The following TEAD4 variants were observed in gnomAD, a reference collection of about 807,000 sequenced individuals.
TEAD4 encodes TEA domain transcription factor 4.
A neutral mutation model predicts 52.4 loss-of-function variants in TEAD4; 36 were observed. That is an observed-to-expected ratio of 0.69 (90% CI 0.53 to 0.91). TEAD4 has a LOEUF of 0.91. Ranked by LOEUF, TEAD4 falls within the 40% of genes least tolerant of loss-of-function variation. TEAD4 has a pLI of 0.00. For missense variants in TEAD4, 508 were observed against 583.9 expected, an observed-to-expected ratio of 0.87 and a Z score of 1.34; for synonymous variants, 220 against 231.0, an observed-to-expected ratio of 0.95 and a Z score of 0.43.
intron 6 of TEAD4, 90 bp downstream of exon 6, chr12:3,017,616 A>T: frequency 6.8e-7 from 1 of 1,476,840 alleles, no homozygotes; most frequent in South Asian, 1.4e-5. Context: ...TGGCCAGCCC[A>T]GATTTCTCTC....
chr12:3,028,909 G>A (rs994330077), intron 10 of TEAD4, among the ~76,000 whole-genome samples: 2 of 152,020 alleles, frequency 1.3e-5, no homozygotes, highest in Non-Finnish European at 2.9e-5. Flanking sequence ...GGGATTACAC[G>A]TGTGAGCCGC....
intron 3 of TEAD4, among the ~76,000 whole-genome samples, chr12:3,000,262 C>A (rs552286052): frequency 6.6e-6 from 1 of 152,212 alleles, no homozygotes; most frequent in Non-Finnish European, 1.5e-5. Flanking sequence ...TTGTCTTGGT[C>A]TGTTTTCTGT....
chr12:3,018,515 G>T (rs571915824), intron 6 of TEAD4, 30 bp from the exon 7 acceptor site: 3 of 1,614,012 alleles, frequency 1.9e-6, no homozygotes, highest in African/African-American at 2.7e-5. Flanking sequence ...ACCTGGGGCC[G>T]TGCTGATTCC....
At chr12:2,969,549 G>A (rs564189115) in intron 2 of TEAD4, among the ~76,000 whole-genome samples, 4 of 152,310 alleles carry the variant, frequency 2.6e-5, no homozygotes, top group East Asian at 3.9e-4. Flanking sequence ...CTGCTTCCTC[G>A]AAGATTTTGT....
chr12:2,995,984 G>A (rs2153955488), intron 3 of TEAD4, among the ~76,000 whole-genome samples: 1 of 151,070 alleles, frequency 6.6e-6, no homozygotes, highest in South Asian at 2.1e-4. Context: ...CTCCTGCCTG[G>A]GTGCCAGAGT....
At chr12:3,031,333 G>C (rs1334622467) in intron 10 of TEAD4, among the ~76,000 whole-genome samples, 8 of 152,244 alleles carry the variant, frequency 5.3e-5, no homozygotes, top group Admixed American at 5.2e-4. Flanking sequence ...AGGACCCTGG[G>C]GATACAGTTG....
intron 2 of TEAD4, among the ~76,000 whole-genome samples, chr12:2,964,379 G>A (rs990159616): frequency 1.1e-4 from 16 of 152,136 alleles, no homozygotes; most frequent in South Asian, 2.1e-4. Context: ...CTGGAACGGC[G>A]ATCTTGGGTT....
chr12:3,027,976 C>A (rs1326134900), intron 10 of TEAD4, among the ~76,000 whole-genome samples: 1 of 152,166 alleles, frequency 6.6e-6, no homozygotes, highest in Non-Finnish European at 1.5e-5. Flanking sequence ...AAGCCCTGTT[C>A]CCTTTAGCTG....
In TEAD4 at chr12:2,995,056, T is replaced by C; in HGVS notation, c.226+64T>C. 4 of 1,555,342 alleles carry C rather than the reference T, an allele frequency of 2.6e-6. No individual in the cohort carries two copies. The South Asian group carries it at 4.9e-5, about 19-fold the overall frequency. On this transcript the variant is annotated intron_variant, in intron 3 of 12. Coordinates refer to ENST00000359864, the MANE Select transcript of TEAD4 (RefSeq NM_003213.4). ...GAGGCAAGGGGCCGACACCAGAACC[T>C]TGGGGTTCCTGCCGGGCCACAGAAG...
At chr12:2,970,774 ATCTG>A (rs1409127967) in intron 2 of TEAD4, among the ~76,000 whole-genome samples, 2 of 152,334 alleles carry the variant, frequency 1.3e-5, no homozygotes, top group East Asian at 3.9e-4. Flanking sequence ...CATCCTGAGC[ATCTG>A]TCTGCCTGGG....
At chr12:2,970,155 T>C (rs117920673) in intron 2 of TEAD4, among the ~76,000 whole-genome samples, 102 of 152,332 alleles carry the variant, frequency 6.7e-4, no homozygotes, top group Non-Finnish European at 1.3e-3. Context: ...ACGTAATCAA[T>C]AGTAAAAAGT....
At chr12:3,014,480 G>A (rs1395627834) in intron 5 of TEAD4, among the ~76,000 whole-genome samples, 1 of 152,210 alleles carries the variant, frequency 6.6e-6, no homozygotes, top group Non-Finnish European at 1.5e-5. Flanking sequence ...ATTGCTGTGA[G>A]GATTTTGTCA....
chr12:2,994,301 C>G lies in TEAD4; in HGVS notation c.-29-437C>G, dbSNP rs891055320. On this transcript the variant is annotated intron_variant, in intron 2 of 12. Transcript: ENST00000359864. The surrounding 1 kb of genome is among the most constrained non-coding windows in gnomAD (Gnocchi z 4.7). ...ATGTTGGCCAGGCTGGTCTCGAGTT[C>G]CTGACCTCAAGTGATCTGCCTGCCT... Among the ~76,000 whole-genome samples, 28 of 152,136 alleles carry G rather than the reference C, an allele frequency of 1.8e-4. No individual in the cohort carries two copies. Among genetic ancestry groups the G allele is most frequent in the African/African-American group, 6.5e-4 (27 of 41,426 alleles).
rs555439114 is a variant in TEAD4 at position 3,021,711 on chromosome 12, A to T, written c.724-133A>T. Reference sequence around the variant, plus strand: ...AGTAGACTTTTACCATCTCTATTTTACTCATGGGGAAACTATGGCCCAGAA... The same window carrying T: ...AGTAGACTTTTACCATCTCTATTTTTCTCATGGGGAAACTATGGCCCAGAA... On this transcript the variant is annotated intron_variant, in intron 9 of 12. Coordinates refer to ENST00000359864, the MANE Select transcript of TEAD4 (RefSeq NM_003213.4). The T allele has an allele frequency of 7.3e-6, 6 of 816,460 alleles. No individual in the cohort carries two copies. The East Asian group carries it at 1.3e-4, about 18-fold the overall frequency. The allele number at this position is 816,460 out of a possible 1,614,324, so 50.6% of individuals were successfully genotyped here. A position where few individuals can be genotyped will look rare whatever the true frequency, so the allele number is the denominator to read the frequency against.
intron 3 of TEAD4, 117 bp downstream of exon 3, chr12:2,995,109 T>G: frequency 1.5e-6 from 2 of 1,293,676 alleles, no homozygotes; most frequent in African/African-American, 1.5e-5. Flanking sequence ...CTTTGTCGGG[T>G]GGACACTGCT....
At chr12:3,013,053 A>G (rs1275572248) in intron 5 of TEAD4, among the ~76,000 whole-genome samples, 4 of 152,100 alleles carry the variant, frequency 2.6e-5, no homozygotes, top group African/African-American at 9.7e-5. Context: ...ATAAGCTCCA[A>G]TCACACTCCC....
intron 2 of TEAD4, among the ~76,000 whole-genome samples, chr12:2,993,553 C>T (rs572422766): frequency 3.9e-5 from 6 of 152,286 alleles, no homozygotes; most frequent in African/African-American, 1.2e-4. Flanking sequence ...TAACTGCAGC[C>T]TTGACTTCCC....
rs755041537 is a variant in TEAD4 at position 3,040,268 on chromosome 12, C to T, written c.1191+9C>T. Reference sequence around the variant, plus strand: ...ACTTCACCATCCTGCAGGTGTGCGGCGGGTGCTGCGGGTGTGGCTGGAGTC... The same window carrying T: ...ACTTCACCATCCTGCAGGTGTGCGGTGGGTGCTGCGGGTGTGGCTGGAGTC... On this transcript the variant is annotated intron_variant, in intron 12 of 12. Transcript: ENST00000359864. 7 of 1,613,978 alleles carry T rather than the reference C, an allele frequency of 4.3e-6. No homozygotes were observed. The East Asian group carries it at 6.7e-5, about 15-fold the overall frequency.
chr12:3,009,220 G>T (rs2098258276), intron 3 of TEAD4, among the ~76,000 whole-genome samples: 1 of 152,344 alleles, frequency 6.6e-6, no homozygotes, highest in Non-Finnish European at 1.5e-5. Flanking sequence ...TTGAGGTCAG[G>T]AGTTCGAGAC....
Sources: gnomAD v4.1 joint callset for allele counts (sites outside exome capture counted in the v4.1 genomes callset) on GRCh38, gnomAD v4.1.1 for gene constraint, Gnocchi (gnomAD v3.1) non-coding constraint, MANE v1.5 for transcripts, NCBI Gene and HGNC (gene_info 2026-07-23, HGNC 2026-07-21) for gene names.